Variants in ACOX3 observed in about 807,000 individuals in gnomAD.
ACOX3 encodes the protein acyl-CoA oxidase 3, pristanoyl.
Under a neutral mutation model 81.5 loss-of-function variants are expected in ACOX3, and 73 were observed. The ratio of observed to expected loss-of-function variants is 0.90; its 90% confidence interval spans 0.74 to 1.09. The LOEUF (loss-of-function observed/expected upper bound fraction) is 1.09, where lower values mean the gene tolerates loss of function less well. Among genes scored for constraint, ACOX3 ranks in the 50% least tolerant of loss-of-function variants. The pLI, the probability that ACOX3 is intolerant of heterozygous loss-of-function variation, is 0.00. For synonymous variants in ACOX3, 387 were observed against 375.1 expected (o/e 1.03, Z -0.37); for missense variants, 947 against 928.0 (o/e 1.02, Z -0.27).
intron 17 of ACOX3, among the ~76,000 whole-genome samples, chr4:8,369,223 C>T (rs748539259): frequency 6.6e-5 from 10 of 152,122 alleles, no homozygotes; most frequent in Admixed American, 3.3e-4. Context: ...TCCTCCATGG[C>T]GGGTCTGGCT....
Position 8,381,771 on chromosome 4 carries a change from T to C in ACOX3, c.1538-164A>G, listed in dbSNP as rs964472345. 2.0e-5 allele frequency among the ~76,000 whole-genome samples: 3 copies of C among 152,172 alleles called. No individual in the cohort carries two copies. The highest frequency in any genetic ancestry group is 7.2e-5 in the African/African-American group (3 of 41,440). On this transcript the variant is annotated intron_variant, in intron 13 of 17. Transcript: ENST00000356406. The surrounding 1 kb of genome is among the most constrained non-coding windows in gnomAD (Gnocchi z 4.3). ...GGTCTGATTTTATAGGTAGGGAAAC[T>C]GAAGCACAGGGAGGGCACCTGCCCA...
chr4:8,418,613 C>T (rs941550395), intron 1 of ACOX3, among the ~76,000 whole-genome samples: 3 of 152,050 alleles, frequency 2.0e-5, no homozygotes, highest in Non-Finnish European at 4.4e-5. Flanking sequence ...ACCTGTAATC[C>T]CTTTGGGAGG....
chr4:8,411,113 A>G (rs1164766356), intron 5 of ACOX3, among the ~76,000 whole-genome samples: 2 of 152,180 alleles, frequency 1.3e-5, no homozygotes, highest in African/African-American at 2.4e-5. Flanking sequence ...GAGGATGCGG[A>G]CCAGCAGTGC....
chr4:8,407,581 T>C lies in ACOX3; in HGVS notation c.688-1538A>G, dbSNP rs1379348642. Among the ~76,000 whole-genome samples, 3 of 152,212 alleles carry C rather than the reference T, an allele frequency of 2.0e-5. No individual in the cohort carries two copies. The highest frequency in any genetic ancestry group is 2.1e-4 in the South Asian group (1 of 4,836). Reference sequence around the variant, plus strand: ...TTGTGGTGCTTTGCTGTGGCAGCCATGAGAGACTAACACGGGGGCCGGTGC... The same window carrying C: ...TTGTGGTGCTTTGCTGTGGCAGCCACGAGAGACTAACACGGGGGCCGGTGC... On this transcript the variant is annotated intron_variant, in intron 6 of 17. Transcript: ENST00000356406. This position sits in a 1 kb window ranked among gnomAD's most constrained non-coding sequence, Gnocchi z 4.6.
chr4:8,394,209 A>C lies in ACOX3; in HGVS notation c.1179+411T>G, dbSNP rs1424259476. Among the ~76,000 whole-genome samples, 1 of 152,156 alleles carries C rather than the reference A, an allele frequency of 6.6e-6. No individual in the cohort carries two copies. Among genetic ancestry groups the C allele is most frequent in the East Asian group, 1.9e-4 (1 of 5,194 alleles). On this transcript the variant is annotated intron_variant, in intron 10 of 17. Coordinates refer to ENST00000356406, the MANE Select transcript of ACOX3 (RefSeq NM_003501.3). The surrounding 1 kb of genome is among the most constrained non-coding windows in gnomAD (Gnocchi z 5.9). Reference sequence around the variant, plus strand: ...TGCCGAGGCTGATCTCGGGATTTGCACGCTCGTTTCTGGCACAAATCCTCT... The same window carrying C: ...TGCCGAGGCTGATCTCGGGATTTGCCCGCTCGTTTCTGGCACAAATCCTCT...
chr4:8,381,612 G>C lies in ACOX3; in HGVS notation c.1538-5C>G. 6.2e-7 allele frequency: 1 copy of C among 1,603,078 alleles called. No individual in the cohort carries two copies. The highest frequency in any genetic ancestry group is 8.5e-7 in the Non-Finnish European group (1 of 1,171,022). The stretch of plus-strand genomic sequence containing the variant: ...ACTTGTATGCTGCCAGGGCGACTTC[G>C]GAATGACAAACAGAAGGAGAAAAAG... On this transcript the variant is annotated splice_region_variant and splice_polypyrimidine_tract_variant and intron_variant, in intron 13 of 17. Transcript: ENST00000356406. This position sits in a 1 kb window ranked among gnomAD's most constrained non-coding sequence, Gnocchi z 4.3.
In ACOX3 at chr4:8,400,427, T is replaced by C. The variant is rs975061226; in HGVS notation, c.777-775A>G. Among the ~76,000 whole-genome samples, 6 of 152,136 alleles carry C rather than the reference T, an allele frequency of 3.9e-5. No homozygotes were observed. Among genetic ancestry groups the C allele is most frequent in the African/African-American group, 1.4e-4 (6 of 41,420 alleles). On this transcript the variant is annotated intron_variant, in intron 7 of 17. Transcript: ENST00000356406. This position sits in a 1 kb window ranked among gnomAD's most constrained non-coding sequence, Gnocchi z 4.4. ...AACCAGAACCCACAGTGTAATAATATTGGCAAAATGAGGTTTAAAACTCTT... is the reference window on the plus strand; with the variant it reads ...AACCAGAACCCACAGTGTAATAATACTGGCAAAATGAGGTTTAAAACTCTT...
chr4:8,366,158 G>A (rs1188738007), downstream of ACOX3: 2 of 152,318 alleles, frequency 1.3e-5, no homozygotes, highest in African/African-American at 2.4e-5. Flanking sequence ...GGAGTGACCG[G>A]GGGAGGCGTG....
intron 1 of ACOX3, among the ~76,000 whole-genome samples, chr4:8,421,037 C>T (rs1722886698): frequency 6.6e-6 from 1 of 152,218 alleles, no homozygotes; most frequent in African/African-American, 2.4e-5. Context: ...AGGCCAAGAA[C>T]CCCAGGTCAG....
At chr4:8,412,839 A>AGCC (rs1721875065) in intron 5 of ACOX3, among the ~76,000 whole-genome samples, 1 of 151,926 alleles carries the variant, frequency 6.6e-6, no homozygotes, top group African/African-American at 2.4e-5. Flanking sequence ...CAGCACTGAT[A>AGCC]GCCCTAGGGC....
rs1411312985 is a variant in ACOX3 at position 8,430,069 on chromosome 4, G to C, written c.-15+10579C>G. On this transcript the variant is annotated intron_variant, in intron 1 of 17. Coordinates refer to ENST00000356406, the MANE Select transcript of ACOX3 (RefSeq NM_003501.3). The surrounding 1 kb of genome is among the most constrained non-coding windows in gnomAD (Gnocchi z 5.2). ...TTTAAGATGTTGGTAGGACATCTGG[G>C]TGGGGATACTCAGGTCATGTTTGGA... is the stretch of plus-strand genomic sequence containing the variant. 6.6e-6 allele frequency among the ~76,000 whole-genome samples: 1 copy of C among 152,226 alleles called. No individual in the cohort carries two copies. Among genetic ancestry groups the C allele is most frequent in the African/African-American group, 2.4e-5 (1 of 41,448 alleles).
chr4:8,391,600 A>G (rs985914197), intron 11 of ACOX3, among the ~76,000 whole-genome samples: 19 of 152,240 alleles, frequency 1.2e-4, no homozygotes, highest in African/African-American at 4.6e-4. Flanking sequence ...TAGCAAATAA[A>G]AAAGTCATTG....
chr4:8,362,416 G>A (rs1232293856), downstream of ACOX3, among the ~76,000 whole-genome samples: 1 of 152,192 alleles, frequency 6.6e-6, no homozygotes, highest in African/African-American at 2.4e-5. Context: ...AAAATTTGGA[G>A]CATATTTCTC....
Position 8,385,658 on chromosome 4 carries a change from C to A in ACOX3, c.1537+3515G>T, listed in dbSNP as rs1408359258. Among the ~76,000 whole-genome samples the A allele has an allele frequency of 6.6e-6, 1 of 152,214 alleles. No individual in the cohort carries two copies. Among genetic ancestry groups the A allele is most frequent in the Non-Finnish European group, 1.5e-5 (1 of 68,034 alleles). Reference sequence around the variant, plus strand: ...CAGCCTCCCCTACCCAAGTCAGAATCGAACCCCTGAAGGACCCGCCATTGG... The same window carrying A: ...CAGCCTCCCCTACCCAAGTCAGAATAGAACCCCTGAAGGACCCGCCATTGG... On this transcript the variant is annotated intron_variant, in intron 13 of 17. Coordinates refer to ENST00000356406, the MANE Select transcript of ACOX3 (RefSeq NM_003501.3). The surrounding 1 kb of genome is among the most constrained non-coding windows in gnomAD (Gnocchi z 5.5).
intron 1 of ACOX3, among the ~76,000 whole-genome samples, chr4:8,429,902 C>G (rs890400894): frequency 6.6e-6 from 1 of 150,934 alleles, no homozygotes; most frequent in African/African-American, 2.4e-5. Context: ...CATAGTGAGA[C>G]TCTGCATTAA....
rs576159859 is a variant in ACOX3 at position 8,381,175 on chromosome 4, G to A, written c.1653+317C>T. Among the ~76,000 whole-genome samples, 6 of 152,280 alleles carry A rather than the reference G, an allele frequency of 3.9e-5. No homozygotes were observed. The highest frequency in any genetic ancestry group is 2.0e-4 in the Admixed American group (3 of 15,292). ...TCAGGAGGGAGTGCTCTGAGTGCCC[G>A]CAATGGTGTCTCCGCCACTCTGTGC... is the stretch of plus-strand genomic sequence containing the variant. On this transcript the variant is annotated intron_variant, in intron 14 of 17. Coordinates refer to ENST00000356406, the MANE Select transcript of ACOX3 (RefSeq NM_003501.3). This position sits in a 1 kb window ranked among gnomAD's most constrained non-coding sequence, Gnocchi z 4.3.
At chr4:8,383,209 C>CCG (rs1384690879) in intron 13 of ACOX3, among the ~76,000 whole-genome samples, 3 of 152,220 alleles carry the variant, frequency 2.0e-5, no homozygotes, top group African/African-American at 7.2e-5. Context: ...GCTGCTGACC[C>CCG]CGCAGGCAGG....
chr4:8,412,028 T>C (rs1162983584), intron 5 of ACOX3, among the ~76,000 whole-genome samples: 1 of 152,216 alleles, frequency 6.6e-6, no homozygotes, highest in African/African-American at 2.4e-5. Flanking sequence ...GGTCCTCTGA[T>C]GCCCCACCCC....
chr4:8,371,062 G>A, intron 16 of ACOX3, 68 bp from the exon 17 acceptor site: 2 of 1,484,476 alleles, frequency 1.3e-6, no homozygotes, highest in Non-Finnish European at 1.9e-6. Flanking sequence ...AAGCATAACA[G>A]CCCCGTGTGT....
Sources: allele counts gnomAD v4.1 joint callset (sites outside exome capture counted in the v4.1 genomes callset), GRCh38; gene constraint gnomAD v4.1.1; non-coding constraint Gnocchi (gnomAD v3.1); transcripts MANE v1.5; gene names NCBI Gene and HGNC (gene_info 2026-07-23, HGNC 2026-07-21).